RNF115: variants seen among roughly 807,000 people sequenced by gnomAD.
The protein encoded by RNF115 is E3 ubiquitin-protein ligase RNF115.
Under a neutral mutation model 39.2 loss-of-function variants are expected in RNF115, and 31 were observed. That is an observed-to-expected ratio of 0.79 (90% confidence interval 0.59 to 1.07). RNF115 has a LOEUF of 1.07. Among genes scored for constraint, RNF115 ranks in the 50% least tolerant of loss-of-function variants. The pLI is 0.00. For synonymous variants in RNF115, 124 were observed against 131.0 expected (o/e 0.95, Z 0.37); for missense variants, 384 against 381.7 (o/e 1.01, Z -0.05).
rs377326453 is a variant in RNF115 at position 145,771,738 on chromosome 1, C to T, written c.401G>A (p.Arg134His). The T allele has an allele frequency of 3.3e-5, 54 of 1,614,080 alleles. No individual in the cohort carries two copies. The East Asian group carries it at 3.8e-4, about 11-fold the overall frequency. Reference sequence around the variant, plus strand: ...TTCAATAGCTGGAGATCTGTCAGGACGAGAACTTCCTCGAGATCTGTATCT... The same window carrying T: ...TTCAATAGCTGGAGATCTGTCAGGATGAGAACTTCCTCGAGATCTGTATCT... ...GRRYRSRGSS[R>H]PDRSPAIEGI... The change falls in exon 4 of 9, where the codon CGT becomes CAT. Residue 134 changes from arginine to histidine, a missense_variant. Transcript: ENST00000582693.
At chr1:145,777,558 G>C (rs781887158) in intron 3 of RNF115, among the ~76,000 whole-genome samples, 7 of 151,884 alleles carry the variant, frequency 4.6e-5, no homozygotes, top group Non-Finnish European at 7.4e-5. Flanking sequence ...TCAGCACTAA[G>C]GATAAAAATA....
At chr1:145,758,853 A>G (rs12143786) in intron 4 of RNF115, among the ~76,000 whole-genome samples, 129,253 of 152,214 alleles carry the variant, frequency 0.85, 55,277 homozygotes, top group African/African-American at 0.95. Flanking sequence ...GCTGTTGCTC[A>G]GAGAACAATA....
intron 3 of RNF115, among the ~76,000 whole-genome samples, chr1:145,774,300 A>ATT (rs35937477): frequency 0.037 from 5,100 of 139,162 alleles, 300 homozygotes; most frequent in African/African-American, 0.13. Flanking sequence ...TTCCCCCAAC[A>ATT]TTTTTTTTTT....
rs782672721 is a variant in RNF115, at chr1:145,752,965, ATTAG to A, written c.500+9_500+12del. 1 of 1,556,958 alleles carries A rather than the reference ATTAG, an allele frequency of 6.4e-7. No individual in the cohort carries two copies. The highest frequency in any genetic ancestry group is 8.9e-7 in the Non-Finnish European group (1 of 1,128,660). On this transcript the variant is annotated intron_variant, in intron 5 of 8. Transcript: ENST00000582693. The stretch of plus-strand genomic sequence containing the variant: ...CTCCAATAGAGTAAGATAGAAAACA[ATTAG>A]TTACTTACCAGGAAAAAGGGTGTGG...
At chr1:145,770,856 T>C (rs1647606122) in intron 4 of RNF115, among the ~76,000 whole-genome samples, 2 of 152,212 alleles carry the variant, frequency 1.3e-5, no homozygotes, top group South Asian at 4.1e-4. Context: ...ATTGTGTTCC[T>C]AGTGTCTAGT....
rs964471359 is a variant in RNF115, at chr1:145,740,386, A to C, written c.*6480T>G. 1 of 152,256 alleles carries C rather than the reference A, an allele frequency of 6.6e-6. No homozygotes were observed. The highest frequency in any genetic ancestry group is 1.5e-5 in the Non-Finnish European group (1 of 68,044). The allele number at this position is 152,256 out of a possible 1,614,324, so 9.4% of individuals were successfully genotyped here. A position where few individuals can be genotyped will look rare whatever the true frequency, so the allele number is the denominator to read the frequency against. On this transcript the variant is annotated 3_prime_UTR_variant, in exon 9 of 9. Coordinates refer to ENST00000582693, the MANE Select transcript of RNF115 (RefSeq NM_014455.4). ...AAACTAAGCGGAATATATACAAAGC[A>C]ATCCCACTTTGTACATACCAACTGA... is the stretch of plus-strand genomic sequence containing the variant.
chr1:145,760,741 G>A (rs1287775659), intron 4 of RNF115, among the ~76,000 whole-genome samples: 1 of 152,142 alleles, frequency 6.6e-6, no homozygotes, highest in Non-Finnish European at 1.5e-5. Context: ...ATAGTAAATT[G>A]GTGCCAGGAG....
chr1:145,759,093 T>C (rs925879455), intron 4 of RNF115, among the ~76,000 whole-genome samples: 5 of 152,190 alleles, frequency 3.3e-5, no homozygotes, highest in African/African-American at 9.7e-5. Flanking sequence ...AGGTTTTCCT[T>C]GTACTTCCCT....
At chr1:145,781,158 T>TA (rs1553717334) in intron 3 of RNF115, among the ~76,000 whole-genome samples, 9 of 151,906 alleles carry the variant, frequency 5.9e-5, no homozygotes, top group African/African-American at 9.7e-5. Context: ...CTCATTTTTT[T>TA]AAAAAAAAGT....
intron 1 of RNF115, among the ~76,000 whole-genome samples, chr1:145,794,055 G>A (rs1409804086): frequency 1.3e-5 from 2 of 151,964 alleles, no homozygotes; most frequent in Non-Finnish European, 2.9e-5. Flanking sequence ...CGATGGCCAG[G>A]CTGGTCTCGA....
At chr1:145,748,581 A>G (rs1354109044) in intron 7 of RNF115, among the ~76,000 whole-genome samples, 1 of 152,164 alleles carries the variant, frequency 6.6e-6, no homozygotes, top group Non-Finnish European at 1.5e-5. Context: ...TGCTCTTTTC[A>G]GCATGGGATG....
At chr1:145,788,865 T>C (rs782104173) in intron 2 of RNF115, 43 bp downstream of exon 2, 8 of 1,389,064 alleles carry the variant, frequency 5.8e-6, no homozygotes, top group African/African-American at 1.4e-5. Context: ...GAAAATAGTT[T>C]TGATAATAGA....
At chr1:145,823,508 G>A (rs1650395120) in intron 1 of RNF115, among the ~76,000 whole-genome samples, 1 of 147,916 alleles carries the variant, frequency 6.8e-6, no homozygotes, top group Non-Finnish European at 1.5e-5. Context: ...AACTTGCTAA[G>A]AAAAAAAAAA....
intron 1 of RNF115, among the ~76,000 whole-genome samples, chr1:145,805,896 T>C (rs1354747439): frequency 6.6e-6 from 1 of 152,026 alleles, no homozygotes; most frequent in Non-Finnish European, 1.5e-5. Flanking sequence ...TATAATTAAT[T>C]AAAATAAATA....
intron 4 of RNF115, among the ~76,000 whole-genome samples, chr1:145,761,241 C>A (rs1658490445): frequency 6.6e-6 from 1 of 152,158 alleles, no homozygotes. Context: ...AAATTCAAGC[C>A]AGCTGCAGAA....
chr1:145,744,524 C>T lies in RNF115; in HGVS notation c.*2342G>A, dbSNP rs1393704493. 1 of 152,200 alleles carries T rather than the reference C, an allele frequency of 6.6e-6. No individual in the cohort carries two copies. Among genetic ancestry groups the T allele is most frequent in the Non-Finnish European group, 1.5e-5 (1 of 68,022 alleles). The allele number at this position is 152,200 out of a possible 1,614,324, so 9.4% of individuals were successfully genotyped here. ...AACTTTTAGAGGCAGGCTATTATTT[C>T]AGCAGGCCACTCTCTCACTTTTTCT... On this transcript the variant is annotated 3_prime_UTR_variant, in exon 9 of 9. Coordinates refer to ENST00000582693, the MANE Select transcript of RNF115 (RefSeq NM_014455.4).
intron 1 of RNF115, among the ~76,000 whole-genome samples, chr1:145,812,252 A>G (rs1211646410): frequency 6.7e-6 from 1 of 150,216 alleles, no homozygotes; most frequent in Non-Finnish European, 1.5e-5. Flanking sequence ...CATCAAAGTG[A>G]GTGGCAAGGA....
At chr1:145,799,192 C>T (rs1649115985) in intron 1 of RNF115, among the ~76,000 whole-genome samples, 1 of 151,916 alleles carries the variant, frequency 6.6e-6, no homozygotes, top group South Asian at 2.1e-4. Flanking sequence ...CTCAGCCTCC[C>T]GAGTAGCTGG....
At chr1:145,770,946 TATTAA>T (rs1420374850) in intron 4 of RNF115, among the ~76,000 whole-genome samples, 16 of 152,224 alleles carry the variant, frequency 1.1e-4, no homozygotes, top group African/African-American at 3.4e-4. Context: ...ATATTTATCC[TATTAA>T]ATTTTTTTCC....
Sources: gnomAD v4.1 joint callset for allele counts (sites outside exome capture counted in the v4.1 genomes callset) on GRCh38, gnomAD v4.1.1 for gene constraint, MANE v1.5 for transcripts, NCBI Gene and HGNC (gene_info 2026-07-23, HGNC 2026-07-21) for gene names.